The following LRCH3 variants were observed in gnomAD, a reference collection of about 807,000 sequenced individuals.
The protein encoded by LRCH3 is leucine rich repeats and calponin homology domain containing 3.
A neutral mutation model predicts 104.5 loss-of-function variants in LRCH3; 68 were observed. That is an observed-to-expected ratio of 0.65 (90% CI 0.54 to 0.80). The LOEUF (loss-of-function observed/expected upper bound fraction) is 0.80. Ranked by LOEUF, LRCH3 falls within the 30% of genes least tolerant of loss-of-function variation. The pLI is 0.00. For synonymous variants in LRCH3, 344 were observed against 361.3 expected (o/e 0.95, Z 0.54); for missense variants, 951 against 953.9 (o/e 1.00, Z 0.04).
chr3:197,870,156 A>G lies in LRCH3; in HGVS notation c.1874-4A>G, dbSNP rs1389335552. The stretch of plus-strand genomic sequence containing the variant: ...TTCTGTCTTACATATTAATATTTTT[A>G]TAGGTCATGCTTCACCCCTTCCTCC... On this transcript the variant is annotated splice_polypyrimidine_tract_variant and splice_region_variant and intron_variant, in intron 17 of 20. Transcript: ENST00000425562. The G allele has an allele frequency of 3.7e-6, 6 of 1,611,286 alleles. No homozygotes were observed. The highest frequency in any genetic ancestry group is 2.7e-5 in the African/African-American group (2 of 74,830).
At chr3:197,843,587 G>A (rs1738147249) in intron 10 of LRCH3, among the ~76,000 whole-genome samples, 1 of 152,214 alleles carries the variant, frequency 6.6e-6, no homozygotes, top group Admixed American at 6.5e-5. Context: ...GGGAGGCTGA[G>A]GCAGGAGAAT....
chr3:197,869,964 A>G (rs1026669190), intron 17 of LRCH3, among the ~76,000 whole-genome samples, 196 bp from the exon 18 acceptor site: 4 of 151,506 alleles, frequency 2.6e-5, no homozygotes, highest in Non-Finnish European at 5.9e-5. Flanking sequence ...CGCAGGAGGT[A>G]GAAAGCGATG....
intron 10 of LRCH3, among the ~76,000 whole-genome samples, chr3:197,845,406 CAAAA>C (rs370414681): frequency 1.2e-5 from 1 of 85,860 alleles, no homozygotes; most frequent in Non-Finnish European, 2.5e-5. Context: ...GAGACTCTGT[CAAAA>C]AAAAAAAAAA....
chr3:197,860,084 C>T (rs2109458761), intron 15 of LRCH3, among the ~76,000 whole-genome samples: 2 of 152,266 alleles, frequency 1.3e-5, no homozygotes, highest in Admixed American at 1.3e-4. Context: ...GAGACAGGGT[C>T]CTGCTCTGTC....
Position 197,847,804 on chromosome 3 carries a change from T to C in LRCH3, c.1381-68T>C, listed in dbSNP as rs935432434. The C allele has an allele frequency of 3.4e-5, 52 of 1,516,108 alleles. No homozygotes were observed. The Middle Eastern group carries it at 5.3e-4, about 15-fold the overall frequency. The allele number at this position is 1,516,108 out of a possible 1,614,324, so 93.9% of individuals were successfully genotyped here. The stretch of plus-strand genomic sequence containing the variant: ...ATGGGTCAACAGTAGTTCCCTAAAT[T>C]GATAGGGAATATTGGTAACGTGATC... On this transcript the variant is annotated intron_variant, in intron 11 of 20. Coordinates refer to ENST00000425562, the MANE Select transcript of LRCH3 (RefSeq NM_001365715.1).
chr3:197,836,999 A>T lies in LRCH3; in HGVS notation c.1251+1177A>T, dbSNP rs186590440. Among the ~76,000 whole-genome samples, 402 of 151,970 alleles carry T rather than the reference A, an allele frequency of 2.6e-3. 2 individuals carry two copies. Among genetic ancestry groups the T allele is most frequent in the African/African-American group, 9.1e-3 (377 of 41,452 alleles). ...AGCCAGTATTATCATTCTTTTTTTT[A>T]AAAAAAGGGCCTTGGTTTTTCCTAT... is the stretch of plus-strand genomic sequence containing the variant. On this transcript the variant is annotated intron_variant, in intron 9 of 20. Coordinates refer to ENST00000425562, the MANE Select transcript of LRCH3 (RefSeq NM_001365715.1).
At chr3:197,850,868 A>G (rs748283900) in intron 12 of LRCH3, 2 of 957,634 alleles carry the variant, frequency 2.1e-6, no homozygotes, top group Non-Finnish European at 3.4e-6. Context: ...CAGTTCCACG[A>G]GTGTTCTTAA....
intron 3 of LRCH3, among the ~76,000 whole-genome samples, chr3:197,819,915 GC>G (rs1734292774): frequency 6.6e-6 from 1 of 151,932 alleles, no homozygotes; most frequent in Non-Finnish European, 1.5e-5. Context: ...TTACCATGTT[GC>G]CCACGCTGGT....
chr3:197,842,094 T>A (rs1426793782), intron 10 of LRCH3, among the ~76,000 whole-genome samples: 1 of 152,088 alleles, frequency 6.6e-6, no homozygotes, highest in Non-Finnish European at 1.5e-5. Context: ...TGCTTTGGCC[T>A]GCCAAAGCGC....
chr3:197,811,214 T>G (rs2109160707), intron 1 of LRCH3, among the ~76,000 whole-genome samples: 1 of 152,308 alleles, frequency 6.6e-6, no homozygotes, highest in South Asian at 2.1e-4. Flanking sequence ...GTTACATAGC[T>G]ATCAAATAAT....
intron 20 of LRCH3, chr3:197,881,344 A>C (rs956240174): frequency 5.2e-5 from 51 of 988,454 alleles, no homozygotes; most frequent in Non-Finnish European, 5.5e-5. Context: ...CAGAATGTTC[A>C]GTTTGAAGAT....
At chr3:197,811,345 A>T (rs1308351012) in intron 1 of LRCH3, among the ~76,000 whole-genome samples, 3 of 152,106 alleles carry the variant, frequency 2.0e-5, no homozygotes. Context: ...ATTTCTTTAT[A>T]TGTTAAAGAA....
At chr3:197,834,642 C>A (rs956344876) in intron 8 of LRCH3, among the ~76,000 whole-genome samples, 2 of 152,206 alleles carry the variant, frequency 1.3e-5, no homozygotes, top group Admixed American at 1.3e-4. Context: ...CACGAAAACA[C>A]AAAGATGCAC....
chr3:197,830,802 G>T lies in LRCH3; in HGVS notation c.920G>T (p.Gly307Val), dbSNP rs1735830909. ...HEELYSSRPY[G>V]ALDSGFNSVD... ...GAACTGTACTCAAGTCGCCCTTATG[G>T]AGCCCTTGATTCAGGCTTCAATAGT... Residue 307 changes from glycine (G) to valine (V), a missense_variant, in exon 7 of 21, where the codon GGA (glycine) becomes GTA (valine). Physicochemically the swap from Gly to Val is moderately radical, Grantham distance 109. Transcript: ENST00000425562. 1.2e-6 allele frequency: 2 copies of T among 1,614,050 alleles called. No homozygotes were observed. The highest frequency in any genetic ancestry group is 1.7e-6 in the Non-Finnish European group (2 of 1,179,970).
chr3:197,812,039 C>A (rs1267828850), intron 1 of LRCH3, among the ~76,000 whole-genome samples: 2 of 152,054 alleles, frequency 1.3e-5, no homozygotes, highest in Non-Finnish European at 1.5e-5. Context: ...GTAAAATATG[C>A]CATTTTATCC....
intron 10 of LRCH3, among the ~76,000 whole-genome samples, chr3:197,845,082 G>T (rs1380150214): frequency 6.6e-6 from 1 of 152,118 alleles, no homozygotes; most frequent in Non-Finnish European, 1.5e-5. Flanking sequence ...GAGATAAAGT[G>T]GAAACAATGG....
rs199913431 is a variant in LRCH3, at chr3:197,832,280, A to G, written c.1065A>G (p.Gln355=). 57 of 1,613,870 alleles carry G rather than the reference A, an allele frequency of 3.5e-5. No individual in the cohort carries two copies. Among genetic ancestry groups the G allele is most frequent in the Non-Finnish European group, 4.8e-5 (57 of 1,179,866 alleles). Residue 355 remains glutamine, a synonymous_variant, in exon 8 of 21, where the codon CAA becomes CAG. Coordinates refer to ENST00000425562, the MANE Select transcript of LRCH3 (RefSeq NM_001365715.1). ...GACTACGAAGAGAAAGCCAGTACCA[A>G]GAGAACCGCGGCAGTTTGGTAGTAA... is the stretch of plus-strand genomic sequence containing the variant. ...EQRLRRESQY[Q]ENRGSLVVTN... is the part of the protein sequence containing the mutation.
At chr3:197,872,356 CAAA>C (rs1712303308) in intron 19 of LRCH3, among the ~76,000 whole-genome samples, 1 of 65,704 alleles carries the variant, frequency 1.5e-5, no homozygotes, top group Non-Finnish European at 2.8e-5. Flanking sequence ...GACCCTGTCT[CAAA>C]GAAAAAAAAA....
Position 197,886,233 on chromosome 3 carries a change from T to TACTC in LRCH3, c.*2569_*2572dup, listed in dbSNP as rs1331007780. On this transcript the variant is annotated 3_prime_UTR_variant, in exon 21 of 21. Transcript: ENST00000425562. ...GGTGGCACCTGCCTGTACTCCCAGC[T>TACTC]ACTCAGGAGGCTGGGGTGGGAGGAT... 6.7e-6 allele frequency: 1 copy of TACTC among 150,252 alleles called. No individual in the cohort carries two copies. The highest frequency in any genetic ancestry group is 1.5e-5 in the Non-Finnish European group (1 of 67,858). 9.3% of individuals were successfully genotyped at this position (150,252 alleles called of 1,614,324 possible). A position where few individuals can be genotyped will look rare whatever the true frequency, so the allele number is the denominator to read the frequency against.
Sources: gnomAD v4.1 joint callset for allele counts (sites outside exome capture counted in the v4.1 genomes callset) on GRCh38, gnomAD v4.1.1 for gene constraint, MANE v1.5 for transcripts, NCBI Gene and HGNC (gene_info 2026-07-23, HGNC 2026-07-21) for gene names.